GLRA2: variants seen among roughly 807,000 people sequenced by gnomAD.
GLRA2 encodes glycine receptor subunit alpha-2.
A neutral mutation model predicts 31.6 loss-of-function variants in GLRA2; 11 were observed. The ratio of observed to expected loss-of-function variants is 0.35; its 90% CI spans 0.22 to 0.58. GLRA2 has a LOEUF of 0.58. GLRA2 is among the 20% of genes least tolerant of loss of function. The pLI, the probability that GLRA2 is intolerant of heterozygous loss-of-function variation, is 0.84. For synonymous variants in GLRA2, 132 were observed against 134.0 expected (o/e 0.99, Z 0.10); for missense variants, 212 against 351.8 (o/e 0.60, Z 3.18).
At chrX:14,609,716 T>G (rs1243355993) in intron 7 of GLRA2, among the ~76,000 whole-genome samples, 1 of 111,423 alleles carries the variant, frequency 9.0e-6, no homozygotes, top group Non-Finnish European at 1.9e-5. Context: ...TACAGCAATC[T>G]GATATATGAA....
chrX:14,491,675 A>G, the GLRA2 span, among the ~76,000 whole-genome samples: 2 of 111,406 alleles, frequency 1.8e-5, no homozygotes, highest in African/African-American at 6.5e-5. Context: ...ATGTGATGCT[A>G]TGGGTATGCA....
intron 8 of GLRA2, among the ~76,000 whole-genome samples, chrX:14,708,869 G>C (rs1362609272): frequency 9.0e-6 from 1 of 110,791 alleles, no homozygotes; most frequent in Non-Finnish European, 1.9e-5. Flanking sequence ...CTGGGAGGCG[G>C]AGGTTGCGGT....
intron 2 of GLRA2, among the ~76,000 whole-genome samples, chrX:14,542,859 C>A (rs1601693464): frequency 9.1e-6 from 1 of 110,052 alleles, no homozygotes; most frequent in South Asian, 3.9e-4. Context: ...TGTCTAACCT[C>A]CTGTCCCATT....
At chrX:14,630,395 T>G (rs772317279) in intron 7 of GLRA2, among the ~76,000 whole-genome samples, 2 of 111,853 alleles carry the variant, frequency 1.8e-5, no homozygotes, top group Non-Finnish European at 3.8e-5. Flanking sequence ...TATCTGGTTT[T>G]GAGCAATTTA....
chrX:14,600,085 A>G (rs1254720282), intron 4 of GLRA2, among the ~76,000 whole-genome samples: 1 of 111,392 alleles, frequency 9.0e-6, no homozygotes, highest in Admixed American at 9.5e-5. Context: ...AGCTGAGACA[A>G]GATTCAGGGA....
At chrX:14,484,053 G>T in the GLRA2 span, among the ~76,000 whole-genome samples, 1 of 111,491 alleles carries the variant, frequency 9.0e-6, no homozygotes. Context: ...GACGGCCTAT[G>T]TGGGACCTTG....
chrX:14,685,807 T>A (rs2147175446), intron 7 of GLRA2, among the ~76,000 whole-genome samples: 1 of 112,081 alleles, frequency 8.9e-6, no homozygotes, highest in African/African-American at 3.2e-5. Context: ...TGTGTCTCTA[T>A]CTCCTTCAGT....
chrX:14,473,873 CATTGG>C, the GLRA2 span, among the ~76,000 whole-genome samples: 1 of 111,669 alleles, frequency 9.0e-6, no homozygotes, highest in South Asian at 3.7e-4. Context: ...TTCCCCTTCA[CATTGG>C]ATGGTATGGT....
chrX:14,454,548 A>T, the GLRA2 span, among the ~76,000 whole-genome samples: 22 of 108,201 alleles, frequency 2.0e-4, no homozygotes, highest in East Asian at 6.5e-3. Flanking sequence ...TCTTTTCTCA[A>T]ATAAAGTGTA....
At chrX:14,729,958 CTGTT>C (rs971889176) in intron 8 of GLRA2, among the ~76,000 whole-genome samples, 3 of 111,671 alleles carry the variant, frequency 2.7e-5, no homozygotes, top group African/African-American at 6.5e-5. Context: ...GTAGGTGTTT[CTGTT>C]TGTTAATTAA....
intron 7 of GLRA2, among the ~76,000 whole-genome samples, chrX:14,632,328 A>ATTTCTT (rs1032016880): frequency 7.2e-5 from 8 of 111,327 alleles, no homozygotes; most frequent in African/African-American, 2.0e-4. Context: ...TGAATCCTTG[A>ATTTCTT]TTTCTTTTTA....
At chrX:14,556,533 G>A (rs2089644932) in intron 2 of GLRA2, among the ~76,000 whole-genome samples, 1 of 111,781 alleles carries the variant, frequency 8.9e-6, no homozygotes. Context: ...AGCATAAATA[G>A]AAATATATGT....
At chrX:14,708,477 G>A (rs11797572) in intron 8 of GLRA2, among the ~76,000 whole-genome samples, 23,375 of 110,519 alleles carry the variant, frequency 0.21, 2,168 homozygotes, top group Non-Finnish European at 0.3. Context: ...AACTTGCTAA[G>A]CCCTCGCTTT....
intron 8 of GLRA2, among the ~76,000 whole-genome samples, chrX:14,717,796 T>A (rs1191224328): frequency 9.1e-6 from 1 of 110,091 alleles, no homozygotes; most frequent in Admixed American, 9.8e-5. Context: ...AAGAATTTTT[T>A]GAGCACGCAT....
intron 2 of GLRA2, 104 bp from the exon 3 acceptor site, chrX:14,574,229 C>T: frequency 3.7e-6 from 2 of 543,539 alleles, no homozygotes; most frequent in Middle Eastern, 5.4e-4. Context: ...GGCAATCTCA[C>T]CATCATTTTA....
upstream of GLRA2, among the ~76,000 whole-genome samples, chrX:14,524,971 C>T (rs1479009979): frequency 9.0e-6 from 1 of 110,500 alleles, no homozygotes; most frequent in Non-Finnish European, 1.9e-5. Context: ...AATTGATAAA[C>T]TTACACAAAC....
intron 4 of GLRA2, among the ~76,000 whole-genome samples, chrX:14,591,286 G>C (rs767982282): frequency 5.4e-5 from 6 of 111,764 alleles, no homozygotes; most frequent in African/African-American, 1.9e-4. Context: ...TCCCATGATA[G>C]GCTGTCTGCA....
intron 7 of GLRA2, among the ~76,000 whole-genome samples, chrX:14,674,807 T>G: frequency 9.1e-6 from 1 of 109,662 alleles, no homozygotes; most frequent in Non-Finnish European, 1.9e-5. Flanking sequence ...ACACACTCTC[T>G]GACTACACAA....
Position 14,731,219 on chromosome X carries a change from T to C in GLRA2, c.*734T>C, listed in dbSNP as rs11795712. 0.46 allele frequency: 51,704 copies of C among 111,350 alleles called. 9,230 individuals carry two copies. Among genetic ancestry groups the C allele is most frequent in the Non-Finnish European group, 0.57 (29,985 of 52,889 alleles). The allele number at this position is 111,350 out of a possible 1,213,427, so 9.2% of individuals were successfully genotyped here. A position where few individuals can be genotyped will look rare whatever the true frequency, so the allele number is the denominator to read the frequency against. Reference sequence around the variant, plus strand: ...CCATATAGGTGTGCATTTTAATATTTTTCTTTCCAAGATAAAATTTTGAAA... The same window carrying C: ...CCATATAGGTGTGCATTTTAATATTCTTCTTTCCAAGATAAAATTTTGAAA... On this transcript the variant is annotated 3_prime_UTR_variant, in exon 9 of 9. Transcript: ENST00000218075.
Sources: gnomAD v4.1 joint callset for allele counts (sites outside exome capture counted in the v4.1 genomes callset) on GRCh38, gnomAD v4.1.1 for gene constraint, MANE v1.5 for transcripts, NCBI Gene and HGNC (gene_info 2026-07-23, HGNC 2026-07-21) for gene names.